Variants in IQGAP2 observed in about 807,000 individuals in gnomAD.
IQGAP2 encodes the protein ras GTPase-activating-like protein IQGAP2.
A neutral mutation model predicts 201.3 loss-of-function variants in IQGAP2; 173 were observed. The observed-to-expected ratio is 0.86, with a 90% CI of 0.76 to 0.98. The LOEUF (loss-of-function observed/expected upper bound fraction) is 0.98. Among genes scored for constraint, IQGAP2 ranks in the 50% least tolerant of loss-of-function variants. The pLI is 0.00. For synonymous variants in IQGAP2, 675 were observed against 673.9 expected (o/e 1.00, Z -0.03); for missense variants, 1,687 against 1,864.8 (o/e 0.90, Z 1.76).
chr5:76,623,428 T>A, intron 13 of IQGAP2: 1 of 602,146 alleles, frequency 1.7e-6, no homozygotes, highest in Non-Finnish European at 2.9e-6. Flanking sequence ...GATGCTTCAG[T>A]AAGCATGACT....
intron 20 of IQGAP2, among the ~76,000 whole-genome samples, chr5:76,657,106 G>A (rs990922544): frequency 6.6e-6 from 1 of 152,114 alleles, no homozygotes; most frequent in Non-Finnish European, 1.5e-5. Context: ...GCCTAGTATT[G>A]ATAGAGGAAA....
In IQGAP2 at chr5:76,506,384, G is replaced by A. The variant is rs77704006; in HGVS notation, c.146+44715G>A. Among the ~76,000 whole-genome samples, 1,086 of 152,256 alleles carry A rather than the reference G, an allele frequency of 7.1e-3. 13 individuals are homozygous for A. Among genetic ancestry groups the A allele is most frequent in the African/African-American group, 0.024 (976 of 41,530 alleles). ...TAAGCACTTAATGGGCAATTCCTAA[G>A]TACTACTATCTTTTTCCCTGAAAGC... On this transcript the variant is annotated intron_variant, in intron 2 of 35. Transcript: ENST00000274364.
chr5:76,672,081 CAA>C (rs1744380117), intron 24 of IQGAP2, 98 bp downstream of exon 24: 3 of 883,348 alleles, frequency 3.4e-6, no homozygotes, highest in Non-Finnish European at 5.3e-6. Flanking sequence ...GCGAACTGTA[CAA>C]AGTCAGTTAT....
intron 5 of IQGAP2, among the ~76,000 whole-genome samples, chr5:76,584,630 C>T (rs754531610): frequency 7.2e-5 from 11 of 151,824 alleles, no homozygotes; most frequent in Non-Finnish European, 1.5e-4. Flanking sequence ...GATAGCATGC[C>T]GGTACCCAAG....
chr5:76,654,919 C>T lies in IQGAP2; in HGVS notation c.2251-15C>T, dbSNP rs1337596622. 6.3e-7 allele frequency: 1 copy of T among 1,589,254 alleles called. No homozygotes were observed. Among genetic ancestry groups the T allele is most frequent in the East Asian group, 2.2e-5 (1 of 44,690 alleles). On this transcript the variant is annotated splice_polypyrimidine_tract_variant and intron_variant, in intron 19 of 35. Coordinates refer to ENST00000274364, the MANE Select transcript of IQGAP2 (RefSeq NM_006633.5). ...GGGACTCTGGGAGATCAAGACTTGT[C>T]TTAATCTTTTGCAGAATAATGAAAT...
chr5:76,685,869 G>C (rs944061139), intron 30 of IQGAP2, among the ~76,000 whole-genome samples: 1 of 152,168 alleles, frequency 6.6e-6, no homozygotes, highest in Non-Finnish European at 1.5e-5. Context: ...CATCACTGTT[G>C]TCTAGTTCCA....
Position 76,671,898 on chromosome 5 carries a change from G to A in IQGAP2, c.2983G>A (p.Asp995Asn), listed in dbSNP as rs780732890. The A allele has an allele frequency of 1.8e-5, 29 of 1,613,966 alleles. No homozygotes were observed. The highest frequency in any genetic ancestry group is 1.2e-4 in the African/African-American group (9 of 74,904). ...LAPVVKEIIDDKSLIINTNPV... is the reference protein window; with the variant it reads ...LAPVVKEIIDNKSLIINTNPV... ...TCCAGTGGTAAAAGAGATCATCGACGACAAGTCGCTGATTATCAACACAAA... is the reference window on the plus strand; with the variant it reads ...TCCAGTGGTAAAAGAGATCATCGACAACAAGTCGCTGATTATCAACACAAA... The change falls in exon 24 of 36, where the codon GAC becomes AAC. Residue 995 changes from aspartate to asparagine, a missense_variant. Physicochemically the swap from Asp to Asn is conservative, Grantham distance 23. Transcript: ENST00000274364.
In IQGAP2 at chr5:76,641,131, A is replaced by C. The variant is rs1174484484; in HGVS notation, c.2094+28A>C. On this transcript the variant is annotated intron_variant, in intron 17 of 35. Transcript: ENST00000274364. ...ATGTGGATCACCTGCCACTGTTTACACAAAACTGTCATATCACCTGAAAAT... is the reference window on the plus strand; with the variant it reads ...ATGTGGATCACCTGCCACTGTTTACCCAAAACTGTCATATCACCTGAAAAT... 6 of 1,501,560 alleles carry C rather than the reference A, an allele frequency of 4.0e-6. No individual in the cohort carries two copies. In the Admixed American group the frequency reaches 1.1e-4, roughly 28 times the overall value. 93.0% of individuals were successfully genotyped at this position (1,501,560 alleles called of 1,614,324 possible). A position where few individuals can be genotyped will look rare whatever the true frequency, so the allele number is the denominator to read the frequency against.
At chr5:76,609,252 A>AG (rs1306947152) in intron 12 of IQGAP2, 2 of 1,533,836 alleles carry the variant, frequency 1.3e-6, no homozygotes, top group East Asian at 2.5e-5. Context: ...AGCTTACCCA[A>AG]GGGGGGTGAC....
At chr5:76,597,859 C>A (rs553861351) in intron 10 of IQGAP2, among the ~76,000 whole-genome samples, 5 of 152,204 alleles carry the variant, frequency 3.3e-5, no homozygotes, top group Admixed American at 3.3e-4. Flanking sequence ...ATAGGTTGTT[C>A]TTATTTTCTG....
chr5:76,595,196 A>G (rs1746927831), intron 9 of IQGAP2, among the ~76,000 whole-genome samples: 1 of 143,078 alleles, frequency 7.0e-6, no homozygotes. Flanking sequence ...CATTCATTGC[A>G]TGATATTTTC....
chr5:76,673,890 G>C (rs1744573313), intron 25 of IQGAP2, 62 bp from the exon 26 acceptor site: 1 of 969,276 alleles, frequency 1.0e-6, no homozygotes, highest in East Asian at 2.4e-5. Flanking sequence ...CAATTGCTGT[G>C]TGTTTTTTCC....
chr5:76,618,172 A>G lies in IQGAP2; in HGVS notation c.1521+6989A>G, dbSNP rs1749192079. The G allele has an allele frequency of 6.2e-6, 10 of 1,614,226 alleles. No individual in the cohort carries two copies. The East Asian group carries it at 2.2e-4, about 36-fold the overall frequency. On this transcript the variant is annotated intron_variant, in intron 13 of 35. Coordinates refer to ENST00000274364, the MANE Select transcript of IQGAP2 (RefSeq NM_006633.5). ...ATGCAGGCAAGGAGCAGAATGGAGCAGTACATGTTGCCATAGAAGATGACT... is the reference window on the plus strand; with the variant it reads ...ATGCAGGCAAGGAGCAGAATGGAGCGGTACATGTTGCCATAGAAGATGACT...
chr5:76,644,231 A>G (rs1370338863), intron 17 of IQGAP2, among the ~76,000 whole-genome samples: 1 of 149,988 alleles, frequency 6.7e-6, no homozygotes, highest in East Asian at 2.0e-4. Context: ...TAAGATGGCT[A>G]TTATAAATTT....
Position 76,609,077 on chromosome 5 carries a change from G to A in IQGAP2, c.1358-1943G>A, listed in dbSNP as rs534706996. The A allele has an allele frequency of 9.8e-6, 15 of 1,530,490 alleles. No homozygotes were observed. In the African/African-American group the frequency reaches 1.8e-4, roughly 18 times the overall value. The allele number at this position is 1,530,490 out of a possible 1,614,324, so 94.8% of individuals were successfully genotyped here. ...TGGGTAATCTTTCAGCTCCTATGAT[G>A]TCATTCACTATGACCTCAGCAGCTT... is the stretch of plus-strand genomic sequence containing the variant. On this transcript the variant is annotated intron_variant, in intron 12 of 35. Coordinates refer to ENST00000274364, the MANE Select transcript of IQGAP2 (RefSeq NM_006633.5).
chr5:76,609,629 A>G (rs889850748), intron 12 of IQGAP2, among the ~76,000 whole-genome samples: 2 of 152,142 alleles, frequency 1.3e-5, no homozygotes, highest in Non-Finnish European at 2.9e-5. Context: ...ATTCTATTTC[A>G]TGGCATATCA....
chr5:76,490,663 A>G (rs1158460827), intron 2 of IQGAP2, among the ~76,000 whole-genome samples: 2 of 152,118 alleles, frequency 1.3e-5, no homozygotes, highest in African/African-American at 2.4e-5. Flanking sequence ...GAAAAAAGCT[A>G]TTTTGTTGTC....
At chr5:76,435,280 A>G (rs1752592598) in intron 1 of IQGAP2, among the ~76,000 whole-genome samples, 3 of 152,118 alleles carry the variant, frequency 2.0e-5, no homozygotes, top group Admixed American at 6.6e-5. Context: ...GCCTAGGCCA[A>G]TGTTCAAAAG....
intron 2 of IQGAP2, among the ~76,000 whole-genome samples, chr5:76,490,787 TA>T (rs1001069787): frequency 7.2e-4 from 109 of 151,066 alleles, no homozygotes; most frequent in African/African-American, 2.2e-3. Context: ...ACCATTATGT[TA>T]AAAAAAAATA....
Sources: gnomAD v4.1 joint callset for allele counts (sites outside exome capture counted in the v4.1 genomes callset) on GRCh38, gnomAD v4.1.1 for gene constraint, MANE v1.5 for transcripts, NCBI Gene and HGNC (gene_info 2026-07-23, HGNC 2026-07-21) for gene names.